ENAH: variants seen among roughly 807,000 people sequenced by gnomAD.
The protein encoded by ENAH is protein enabled homolog.
A neutral mutation model predicts 78.7 loss-of-function variants in ENAH; 23 were observed. That is an observed-to-expected ratio of 0.29 (90% CI 0.21 to 0.41). The LOEUF is 0.41. Ranked by LOEUF, ENAH falls within the 10% of genes least tolerant of loss-of-function variation. ENAH has a pLI of 1.00. For synonymous variants in ENAH, 226 were observed against 241.0 expected (o/e 0.94, Z 0.58); for missense variants, 544 against 691.0 (o/e 0.79, Z 2.39).
At chr1:225,505,290 T>C (rs1017159250) in intron 11 of ENAH, among the ~76,000 whole-genome samples, 2 of 152,188 alleles carry the variant, frequency 1.3e-5, no homozygotes, top group African/African-American at 4.8e-5. Flanking sequence ...TTTATATAGG[T>C]TGTAGGCACA....
chr1:225,570,624 T>C (rs147498921), intron 1 of ENAH, among the ~76,000 whole-genome samples: 1 of 152,214 alleles, frequency 6.6e-6, no homozygotes, highest in East Asian at 1.9e-4. Flanking sequence ...CTTCTTGTGA[T>C]TTTTTAATGT....
intron 1 of ENAH, among the ~76,000 whole-genome samples, chr1:225,622,688 T>G (rs1657209434): frequency 6.6e-6 from 1 of 152,130 alleles, no homozygotes; most frequent in Non-Finnish European, 1.5e-5. Context: ...TCCCCTGACC[T>G]AACCACCTCT....
chr1:225,615,782 A>G (rs1242311665), intron 1 of ENAH, among the ~76,000 whole-genome samples: 47 of 132,388 alleles, frequency 3.6e-4, no homozygotes, highest in African/African-American at 5.5e-4. Flanking sequence ...GCCCCGTCTG[A>G]GAAGTGAGGA....
intron 2 of ENAH, among the ~76,000 whole-genome samples, chr1:225,561,661 T>TA (rs550330495): frequency 1.1e-3 from 33 of 28,870 alleles, no homozygotes; most frequent in Non-Finnish European, 2.0e-3. Context: ...AAAATAAAAT[T>TA]AGTATGTTCA....
intron 1 of ENAH, among the ~76,000 whole-genome samples, chr1:225,578,408 A>G (rs2151591003): frequency 6.6e-6 from 1 of 152,322 alleles, no homozygotes; most frequent in Non-Finnish European, 1.5e-5. Flanking sequence ...CCAGGAGTGC[A>G]AGGTTACAGT....
At chr1:225,507,821 T>C (rs940428218) in intron 11 of ENAH, 130 bp downstream of exon 11, 2 of 559,438 alleles carry the variant, frequency 3.6e-6, no homozygotes, top group Admixed American at 3.7e-5. Context: ...TGTCCAATAC[T>C]AGGAGGATCA....
At chr1:225,550,987 A>G (rs1575495196) in intron 3 of ENAH, among the ~76,000 whole-genome samples, 1 of 152,232 alleles carries the variant, frequency 6.6e-6, no homozygotes, top group Non-Finnish European at 1.5e-5. Flanking sequence ...CACAAAAATT[A>G]ACTTTGTAGT....
intron 1 of ENAH, among the ~76,000 whole-genome samples, chr1:225,651,762 G>A (rs1663056456): frequency 6.6e-6 from 1 of 152,056 alleles, no homozygotes; most frequent in East Asian, 1.9e-4. Flanking sequence ...AGAAGGTTAT[G>A]GACACAGAAC....
intron 4 of ENAH, among the ~76,000 whole-genome samples, chr1:225,525,539 G>C (rs2096496924): frequency 6.6e-6 from 1 of 152,090 alleles, no homozygotes; most frequent in Admixed American, 6.5e-5. Context: ...TACCCGTCGG[G>C]AGCCTTCAGC....
chr1:225,596,539 G>A (rs544315344), intron 1 of ENAH, among the ~76,000 whole-genome samples: 1 of 152,202 alleles, frequency 6.6e-6, no homozygotes, highest in East Asian at 1.9e-4. Flanking sequence ...AAAAAAACTG[G>A]CTTCCAAAGT....
chr1:225,638,598 C>A (rs1036557047), intron 1 of ENAH, among the ~76,000 whole-genome samples: 2 of 152,152 alleles, frequency 1.3e-5, no homozygotes, highest in Admixed American at 1.3e-4. Context: ...TTTGGAATCA[C>A]TGAGAAAGTA....
chr1:225,587,453 A>G (rs1309723600), intron 1 of ENAH, among the ~76,000 whole-genome samples: 2 of 152,230 alleles, frequency 1.3e-5, no homozygotes, highest in African/African-American at 4.8e-5. Context: ...AATCTTCATA[A>G]TATCATGCGT....
At chr1:225,630,813 C>G (rs188855985) in intron 1 of ENAH, among the ~76,000 whole-genome samples, 128 of 152,272 alleles carry the variant, frequency 8.4e-4, no homozygotes, top group Non-Finnish European at 1.4e-3. Flanking sequence ...CAATAAACTT[C>G]TGATGTTCAA....
rs182778847 is a variant in ENAH, at chr1:225,606,359, G to A, written c.6-38945C>T. On this transcript the variant is annotated intron_variant, in intron 1 of 13. Transcript: ENST00000366843. ...CACCTGTAATCCCAGCTACTCGGGAGGCTGAGGCAGAATTGCTTGAACCCA... is the reference window on the plus strand; with the variant it reads ...CACCTGTAATCCCAGCTACTCGGGAAGCTGAGGCAGAATTGCTTGAACCCA... 8.8e-4 allele frequency among the ~76,000 whole-genome samples: 133 copies of A among 151,964 alleles called. 1 individual carries two copies. Among genetic ancestry groups the A allele is most frequent in the African/African-American group, 3.2e-3 (133 of 41,418 alleles).
chr1:225,529,880 G>A (rs1473798436), intron 4 of ENAH, among the ~76,000 whole-genome samples: 1 of 152,166 alleles, frequency 6.6e-6, no homozygotes, highest in Non-Finnish European at 1.5e-5. Context: ...CCCAACCCCA[G>A]CTCAATGGAT....
intron 4 of ENAH, among the ~76,000 whole-genome samples, chr1:225,523,408 G>C (rs1446058681): frequency 1.3e-5 from 2 of 151,828 alleles, no homozygotes; most frequent in African/African-American, 4.8e-5. Flanking sequence ...TGTTCCACAT[G>C]TCATCATATT....
At chr1:225,502,234 T>C (rs746710434) in intron 11 of ENAH, among the ~76,000 whole-genome samples, 43 of 152,290 alleles carry the variant, frequency 2.8e-4, no homozygotes, top group Non-Finnish European at 5.0e-4. Flanking sequence ...GTTTATGAGA[T>C]GCAGTCTTGC....
Position 225,514,731 on chromosome 1 carries a change from G to C in ENAH, c.1083C>G (p.Pro361=). 6.7e-7 allele frequency: 1 copy of C among 1,501,014 alleles called. No homozygotes were observed. The highest frequency in any genetic ancestry group is 9.1e-7 in the Non-Finnish European group (1 of 1,094,380). 93.0% of individuals were successfully genotyped at this position (1,501,014 alleles called of 1,614,324 possible). ...GGGCAGGAGGTGGTGGAGGAGGAGG[G>C]GGTACTTGATTAGGGAGAGGAGGGG... ...PPPPPLPNQV[P]PPPPPPPAPP... is the part of the protein sequence containing the mutation. The change falls in exon 7 of 14, where the codon CCC becomes CCG. Residue 361 remains proline (P), a synonymous_variant. Coordinates refer to ENST00000366843, the MANE Select transcript of ENAH (RefSeq NM_018212.6).
At chr1:225,521,782 G>GT (rs1057293658) in intron 4 of ENAH, among the ~76,000 whole-genome samples, 4 of 151,858 alleles carry the variant, frequency 2.6e-5, no homozygotes, top group Admixed American at 6.6e-5. Context: ...TATAACGATA[G>GT]TTTTTTTGTT....
Sources: allele counts gnomAD v4.1 joint callset (sites outside exome capture counted in the v4.1 genomes callset), GRCh38; gene constraint gnomAD v4.1.1; transcripts MANE v1.5; gene names NCBI Gene and HGNC (gene_info 2026-07-23, HGNC 2026-07-21).